CDH24: variants seen among roughly 807,000 people sequenced by gnomAD.
CDH24 encodes the protein cadherin-24.
Under a neutral mutation model 71.2 loss-of-function variants are expected in CDH24, and 61 were observed. The ratio of observed to expected loss-of-function variants is 0.86; its 90% CI spans 0.70 to 1.06. The LOEUF is 1.06. Ranked by LOEUF, CDH24 falls within the 50% of genes least tolerant of loss-of-function variation. The pLI is 0.00. For synonymous variants in CDH24, 440 were observed against 470.2 expected, an observed-to-expected ratio of 0.94 and a Z score of 0.83; for missense variants, 961 against 1,083.7, an observed-to-expected ratio of 0.89 and a Z score of 1.59.
At position 23,055,237 on chromosome 14, in the gene CDH24, G is replaced by T. The variant is rs765610548; in HGVS notation, c.318C>A (p.Ser106Arg). The change falls in exon 3 of 13, where the codon AGC (serine) becomes AGA (arginine). Residue 106 changes from serine (S) to arginine (R), a missense_variant. Around this residue, in one of 2 missense-constraint regions of CDH24, gnomAD observed 671 missense variants for 810.9 expected, o/e 0.83. Transcript: ENST00000487137. The surrounding 1 kb of genome is among the most constrained non-coding windows in gnomAD (Gnocchi z 4.1). ...ATTGCGCCTTTTCCTCCCGGTCAAG[G>T]CTCTTGGTAACATGAATATTGCCTG... ...EATGNIHVTK[S>R]LDREEKAQYV... is the part of the protein sequence containing the mutation. 9 of 1,614,128 alleles carry T rather than the reference G, an allele frequency of 5.6e-6. No homozygotes were observed. In the East Asian group the frequency reaches 2.0e-4, roughly 36 times the overall value.
rs1487029295 is a variant in CDH24, at chr14:23,051,951, A to G, written c.1363+522T>C. On this transcript the variant is annotated intron_variant, in intron 8 of 12. Coordinates refer to ENST00000487137, the MANE Select transcript of CDH24 (RefSeq NM_144985.4). The surrounding 1 kb of genome is among the most constrained non-coding windows in gnomAD (Gnocchi z 4.4). ...GGAGCTGGCACTCCTCCCCTTCCTT[A>G]TGGTGTCCACTCCCCTACCTTGGGG... 6 of 1,413,938 alleles carry G rather than the reference A, an allele frequency of 4.2e-6. No individual in the cohort carries two copies. The highest frequency in any genetic ancestry group is 1.8e-4 in the Middle Eastern group (1 of 5,658). The allele number at this position is 1,413,938 out of a possible 1,614,324, so 87.6% of individuals were successfully genotyped here.
At chr14:23,053,448 G>A (rs941717129) in intron 7 of CDH24, 48 bp downstream of exon 7, 2 of 1,511,012 alleles carry the variant, frequency 1.3e-6, no homozygotes, top group African/African-American at 1.4e-5. Context: ...TCTCTGGGTG[G>A]GAAGAGCCTG....
chr14:23,048,527 C>T, intron 11 of CDH24, 48 bp from the exon 12 acceptor site: 3 of 1,585,406 alleles, frequency 1.9e-6, no homozygotes, highest in East Asian at 2.3e-5. Context: ...GGGCCGGGAG[C>T]GGGCGGCCTG....
In CDH24 at chr14:23,054,217, A is replaced by C. The variant is rs2139948892; in HGVS notation, c.896T>G (p.Leu299Arg). The C allele has an allele frequency of 1.9e-6, 3 of 1,613,694 alleles. No individual in the cohort carries two copies. The South Asian group carries it at 3.3e-5, about 18-fold the overall frequency. The change falls in exon 6 of 13, where the codon CTG (leucine) becomes CGG (arginine). Residue 299 changes from leucine to arginine, a missense_variant. This residue lies in a region of CDH24 where 671 missense variants were observed against 810.9 expected (regional missense o/e 0.83). Transcript: ENST00000487137. This position sits in a 1 kb window ranked among gnomAD's most constrained non-coding sequence, Gnocchi z 5.2. ...GAAGGCCTCAGACCCCTCCCCATCC[A>C]GGATGCTGTATGCCATCAGGGCGTT... is the stretch of plus-strand genomic sequence containing the variant. ...GDNALMAYSI[L>R]DGEGSEAFSI...
chr14:23,047,887 G>T lies in CDH24; in HGVS notation c.*93C>A. 1 of 1,025,628 alleles carries T rather than the reference G, an allele frequency of 9.8e-7. No homozygotes were observed. The highest frequency in any genetic ancestry group is 3.6e-5 in the East Asian group (1 of 27,992). The allele number at this position is 1,025,628 out of a possible 1,614,324, so 63.5% of individuals were successfully genotyped here. ...ACAGGGAGGAGGCCTGGGGCCCCTG[G>T]GCTGCTGCCGCCCGCCTGGACCCCG... On this transcript the variant is annotated 3_prime_UTR_variant, in exon 12 of 13. Transcript: ENST00000487137.
chr14:23,055,067 G>T lies in CDH24; in HGVS notation c.488C>A (p.Ser163Tyr). The part of the protein sequence containing the change: ...GPYHATVPEM[S>Y]NVGTSVIQVT... ...AGAGCTGGGGTGCTCACCGACATTGGACATCTCGGGCACGGTGGCATGGTA... is the reference window on the plus strand; with the variant it reads ...AGAGCTGGGGTGCTCACCGACATTGTACATCTCGGGCACGGTGGCATGGTA... The change falls in exon 3 of 13, where the codon TCC becomes TAC. Residue 163 changes from serine to tyrosine, a missense_variant. Ser to Tyr is a moderately radical substitution (Grantham distance 144). Coordinates refer to ENST00000487137, the MANE Select transcript of CDH24 (RefSeq NM_144985.4). The surrounding 1 kb of genome is among the most constrained non-coding windows in gnomAD (Gnocchi z 4.1). The T allele has an allele frequency of 1.9e-6, 3 of 1,610,240 alleles. No homozygotes were observed. Among genetic ancestry groups the T allele is most frequent in the Non-Finnish European group, 2.5e-6 (3 of 1,176,938 alleles).
In CDH24 at chr14:23,048,492, C is replaced by T. The variant is rs202178031; in HGVS notation, c.1847-13G>A. 1 of 1,601,078 alleles carries T rather than the reference C, an allele frequency of 6.2e-7. No individual in the cohort carries two copies. Among genetic ancestry groups the T allele is most frequent in the Non-Finnish European group, 8.5e-7 (1 of 1,178,472 alleles). On this transcript the variant is annotated splice_polypyrimidine_tract_variant and intron_variant, in intron 11 of 12. Coordinates refer to ENST00000487137, the MANE Select transcript of CDH24 (RefSeq NM_144985.4). Reference sequence around the variant, plus strand: ...AGCACCACCAGGGCTGCGCGAGAGGCGCGCACACAGGCCCTGAGCCAGCAG... The same window carrying T: ...AGCACCACCAGGGCTGCGCGAGAGGTGCGCACACAGGCCCTGAGCCAGCAG...
Position 23,055,912 on chromosome 14 carries a change from CA to C in CDH24, c.-124-56del, listed in dbSNP as rs2047126481. On this transcript the variant is annotated intron_variant, in intron 1 of 12. Transcript: ENST00000487137. This position sits in a 1 kb window ranked among gnomAD's most constrained non-coding sequence, Gnocchi z 4.1. ...GGAAACCCCTAGCCCTCCTCCCCCG[CA>C]AAATTAGATGCTGAAGACCAGACCT... 1 of 581,414 alleles carries C rather than the reference CA, an allele frequency of 1.7e-6. No individual in the cohort carries two copies. The highest frequency in any genetic ancestry group is 3.0e-6 in the Non-Finnish European group (1 of 329,244). 36.0% of individuals were successfully genotyped at this position (581,414 alleles called of 1,614,324 possible). A position where few individuals can be genotyped will look rare whatever the true frequency, so the allele number is the denominator to read the frequency against.
In CDH24 at chr14:23,049,285, A is replaced by C. The variant is rs753610405; in HGVS notation, c.1598-10T>G. 1 of 1,565,550 alleles carries C rather than the reference A, an allele frequency of 6.4e-7. No individual in the cohort carries two copies. The highest frequency in any genetic ancestry group is 8.7e-7 in the Non-Finnish European group (1 of 1,155,172). On this transcript the variant is annotated splice_polypyrimidine_tract_variant and intron_variant, in intron 10 of 12. Coordinates refer to ENST00000487137, the MANE Select transcript of CDH24 (RefSeq NM_144985.4). ...AGGCTGGCGGAGCCATCTGTGGGAG[A>C]GGGAAGGTGTTGAGGTATCTTCTGG... is the stretch of plus-strand genomic sequence containing the variant.
chr14:23,053,367 C>T (rs1566723484), intron 7 of CDH24, 129 bp downstream of exon 7: 3 of 1,165,256 alleles, frequency 2.6e-6, no homozygotes, highest in Admixed American at 3.0e-5. Flanking sequence ...CCAGCAAGCC[C>T]AGCTGCAGGG....
rs770258783 is a variant in CDH24, at chr14:23,052,473, C to T, written c.1363G>A (p.Asp455Asn). ...HNLTVLATEL[D>N]SSAQASRVQV... ...GCCTTGTGGGCCCTGGAGTCCTCAC[C>T]GAGCTCTGTAGCCAGCACAGTGAGG... Residue 455 changes from aspartate to asparagine, a missense_variant and splice_region_variant, in exon 8 of 13, where the codon GAC (aspartate) becomes AAC (asparagine). Around this residue, in one of 2 missense-constraint regions of CDH24, gnomAD observed 671 missense variants for 810.9 expected, o/e 0.83. Coordinates refer to ENST00000487137, the MANE Select transcript of CDH24 (RefSeq NM_144985.4). The T allele has an allele frequency of 6.8e-6, 11 of 1,613,432 alleles. No homozygotes were observed. Among genetic ancestry groups the T allele is most frequent in the South Asian group, 2.2e-5 (2 of 91,082 alleles).
chr14:23,055,747 C>G lies in CDH24; in HGVS notation c.-14G>C. The stretch of plus-strand genomic sequence containing the variant: ...CAGGCCCCACATGTTTGGACTCCAG[C>G]CAGGGCTCTGTTCACTGGCCCTGGG... On this transcript the variant is annotated 5_prime_UTR_variant, in exon 2 of 13. Coordinates refer to ENST00000487137, the MANE Select transcript of CDH24 (RefSeq NM_144985.4). This position sits in a 1 kb window ranked among gnomAD's most constrained non-coding sequence, Gnocchi z 4.1. The G allele has an allele frequency of 6.4e-7, 1 of 1,555,868 alleles. No individual in the cohort carries two copies. Among genetic ancestry groups the G allele is most frequent in the Non-Finnish European group, 8.6e-7 (1 of 1,157,694 alleles).
intron 11 of CDH24, 115 bp from the exon 12 acceptor site, chr14:23,048,594 C>T: frequency 2.9e-6 from 3 of 1,024,016 alleles, no homozygotes; most frequent in Non-Finnish European, 4.3e-6. Flanking sequence ...TAGGGGCTGA[C>T]ATCTAGCAAA....
In CDH24 at chr14:23,049,137, C is replaced by T; in HGVS notation, c.1736G>A (p.Cys579Tyr). ...TATVTVSVCR[C>Y]QPDGSVASCW... is the part of the protein sequence containing the mutation. The stretch of plus-strand genomic sequence containing the variant: ...GGATGCCACAGAGCCGTCAGGCTGG[C>T]AGCGGCACACACTAACAGTCACTGT... The change falls in exon 11 of 13, where the codon TGC (cysteine) becomes TAC (tyrosine). Residue 579 changes from cysteine to tyrosine, a missense_variant. Around this residue, in one of 2 missense-constraint regions of CDH24, gnomAD observed 671 missense variants for 810.9 expected, o/e 0.83. Transcript: ENST00000487137. 1 of 1,600,166 alleles carries T rather than the reference C, an allele frequency of 6.2e-7. No individual in the cohort carries two copies. The highest frequency in any genetic ancestry group is 8.5e-7 in the Non-Finnish European group (1 of 1,173,396).
chr14:23,048,479 G>T lies in CDH24; in HGVS notation c.1847C>A (p.Ala616Asp). Residue 616 changes from alanine to aspartate, a missense_variant and splice_region_variant, in exon 12 of 13, where the codon GCC becomes GAC. Ala to Asp is a moderately radical substitution (Grantham distance 126). This residue lies in a region of CDH24 where 290 missense variants were observed against 272.8 expected (regional missense o/e 1.06). Coordinates refer to ENST00000487137, the MANE Select transcript of CDH24 (RefSeq NM_144985.4). The part of the protein sequence containing the change: ...AIITCVGALL[A>D]LVVLFVALRR... ...CAGGGCCACGAAGAGCACCACCAGG[G>T]CTGCGCGAGAGGCGCGCACACAGGC... 6.2e-7 allele frequency: 1 copy of T among 1,605,162 alleles called. No homozygotes were observed. The highest frequency in any genetic ancestry group is 8.5e-7 in the Non-Finnish European group (1 of 1,179,102).
chr14:23,056,924 G>A (rs1296645076), intron 1 of CDH24, among the ~76,000 whole-genome samples: 1 of 152,038 alleles, frequency 6.6e-6, no homozygotes, highest in African/African-American at 2.4e-5. Context: ...CTTTGCTCCC[G>A]AGGGAAGGGG....
At position 23,052,000 on chromosome 14, in the gene CDH24, G is replaced by T; in HGVS notation, c.1363+473C>A. The T allele has an allele frequency of 6.3e-7, 1 of 1,587,778 alleles. No individual in the cohort carries two copies. The highest frequency in any genetic ancestry group is 2.3e-5 in the East Asian group (1 of 43,712). Reference sequence around the variant, plus strand: ...GGGATTCCCACAGCGCTTCCAACAGGGCTTCTCTGGGGTGGGGCTGCTGGT... The same window carrying T: ...GGGATTCCCACAGCGCTTCCAACAGTGCTTCTCTGGGGTGGGGCTGCTGGT... On this transcript the variant is annotated intron_variant, in intron 8 of 12. Coordinates refer to ENST00000487137, the MANE Select transcript of CDH24 (RefSeq NM_144985.4). This position sits in a 1 kb window ranked among gnomAD's most constrained non-coding sequence, Gnocchi z 4.4.
chr14:23,055,093 G>A lies in CDH24; in HGVS notation c.462C>T (p.Pro154=), dbSNP rs200044668. 1.2e-6 allele frequency: 2 copies of A among 1,613,018 alleles called. No homozygotes were observed. Among genetic ancestry groups the A allele is most frequent in the East Asian group, 4.5e-5 (2 of 44,842 alleles). The stretch of plus-strand genomic sequence containing the variant: ...ACATCTCGGGCACGGTGGCATGGTA[G>A]GGCCCAAGGGGAAAAATGGGTGGAT... The part of the protein sequence containing the change: ...NDNPPIFPLG[P]YHATVPEMSN... The change falls in exon 3 of 13, where the codon CCC becomes CCT. Residue 154 remains proline, a synonymous_variant. Coordinates refer to ENST00000487137, the MANE Select transcript of CDH24 (RefSeq NM_144985.4). This position sits in a 1 kb window ranked among gnomAD's most constrained non-coding sequence, Gnocchi z 4.1.
In CDH24 at chr14:23,051,679, G is replaced by C. The variant is rs1475198987; in HGVS notation, c.1363+794C>G. Reference sequence around the variant, plus strand: ...CACATTTGGAATTATACACATGGCTGAGAACATACCCACATGTGCACATTC... The same window carrying C: ...CACATTTGGAATTATACACATGGCTCAGAACATACCCACATGTGCACATTC... On this transcript the variant is annotated intron_variant, in intron 8 of 12. Coordinates refer to ENST00000487137, the MANE Select transcript of CDH24 (RefSeq NM_144985.4). This position sits in a 1 kb window ranked among gnomAD's most constrained non-coding sequence, Gnocchi z 4.4. 6.6e-6 allele frequency among the ~76,000 whole-genome samples: 1 copy of C among 152,186 alleles called. No individual in the cohort carries two copies. Among genetic ancestry groups the C allele is most frequent in the Admixed American group, 6.5e-5 (1 of 15,274 alleles).
Sources: gnomAD v4.1 joint callset for allele counts (sites outside exome capture counted in the v4.1 genomes callset) on GRCh38, gnomAD v4.1.1 for gene constraint, gnomAD v4.1.1 regional missense constraint, Gnocchi (gnomAD v3.1) non-coding constraint, MANE v1.5 for transcripts, NCBI Gene and HGNC (gene_info 2026-07-23, HGNC 2026-07-21) for gene names.